Variants in NBAS observed in about 807,000 individuals in gnomAD.
NBAS encodes the protein NAG/BC035112 fusion.
In NBAS, 219 loss-of-function variants were observed where a neutral mutation model predicts 302.5. The observed-to-expected ratio is 0.72, with a 90% CI of 0.65 to 0.81. The LOEUF (loss-of-function observed/expected upper bound fraction) is 0.81. NBAS is among the 30% of genes least tolerant of loss of function. The pLI is 0.00. For missense variants in NBAS, 2,932 were observed against 2,841.6 expected (o/e 1.03, Z -0.72); for synonymous variants, 1,118 against 1,021.6 (o/e 1.09, Z -1.80).
chr2:15,150,930 A>C, the NBAS span, among the ~76,000 whole-genome samples: 2 of 152,216 alleles, frequency 1.3e-5, no homozygotes, highest in African/African-American at 4.8e-5. Flanking sequence ...AGAGTAGGCA[A>C]AACCTATAGT....
At chr2:14,988,116 T>C in the NBAS span, among the ~76,000 whole-genome samples, 1 of 152,156 alleles carries the variant, frequency 6.6e-6, no homozygotes, top group Non-Finnish European at 1.5e-5. Context: ...AACATTGTTG[T>C]GGAAACAAAT....
At chr2:15,000,044 G>A in the NBAS span, among the ~76,000 whole-genome samples, 1 of 152,188 alleles carries the variant, frequency 6.6e-6, no homozygotes, top group South Asian at 2.1e-4. Flanking sequence ...TATACAACTT[G>A]CTTGCCAAAC....
chr2:14,800,817 T>C, the NBAS span, among the ~76,000 whole-genome samples: 16 of 145,820 alleles, frequency 1.1e-4, no homozygotes, highest in African/African-American at 3.8e-4. Flanking sequence ...GCACTTACAT[T>C]TGCCCACTTA....
Position 15,292,616 on chromosome 2 carries a change from C to T in NBAS, c.4948G>A (p.Gly1650Ser), listed in dbSNP as rs770023301. ...TGCACGTCCACACCCTTCCGAAGGCCCTGAAGGATCTGCGCCTGAGTGAAA... is the reference window on the plus strand; with the variant it reads ...TGCACGTCCACACCCTTCCGAAGGCTCTGAAGGATCTGCGCCTGAGTGAAA... Reference protein sequence around the residue: ...LDFTQAQILQGLRKGVDVQRF... With the variant: ...LDFTQAQILQSLRKGVDVQRF... The change falls in exon 41 of 52, where the codon GGC becomes AGC. Residue 1650 changes from glycine (G) to serine (S), a missense_variant. Coordinates refer to ENST00000281513, the MANE Select transcript of NBAS (RefSeq NM_015909.4). 1.9e-6 allele frequency: 3 copies of T among 1,614,026 alleles called. No homozygotes were observed. The highest frequency in any genetic ancestry group is 1.7e-5 in the Admixed American group (1 of 60,000).
At chr2:15,255,724 AT>A (rs2148000274) in intron 44 of NBAS, among the ~76,000 whole-genome samples, 1 of 152,138 alleles carries the variant, frequency 6.6e-6, no homozygotes, top group African/African-American at 2.4e-5. Context: ...TAATTTTTGT[AT>A]TTGGTTAGAG....
chr2:14,778,979 A>G, the NBAS span, among the ~76,000 whole-genome samples: 1 of 152,208 alleles, frequency 6.6e-6, no homozygotes, highest in East Asian at 1.9e-4. Context: ...AAGATTAGCA[A>G]GTTAGATATT....
intron 32 of NBAS, among the ~76,000 whole-genome samples, chr2:15,363,484 A>G (rs908943280): frequency 1.3e-5 from 2 of 152,238 alleles, no homozygotes; most frequent in Admixed American, 1.3e-4. Context: ...ATGAAGGACA[A>G]TAAAGTCCAC....
At chr2:15,177,529 T>C (rs184359249) in intron 51 of NBAS, among the ~76,000 whole-genome samples, 3 of 152,288 alleles carry the variant, frequency 2.0e-5, no homozygotes, top group Non-Finnish European at 2.9e-5. Flanking sequence ...GCTCCATTTA[T>C]GATGAATATG....
chr2:15,149,006 G>C, the NBAS span, among the ~76,000 whole-genome samples: 9 of 152,186 alleles, frequency 5.9e-5, no homozygotes, highest in African/African-American at 2.2e-4. Context: ...TGCCTTCGAA[G>C]CCATTTAATT....
At chr2:15,079,452 A>G in the NBAS span, among the ~76,000 whole-genome samples, 1 of 152,112 alleles carries the variant, frequency 6.6e-6, no homozygotes, top group African/African-American at 2.4e-5. Context: ...AGCAGAAGCC[A>G]CCACTCCTTT....
At chr2:15,493,911 C>T (rs1680966411) in intron 11 of NBAS, among the ~76,000 whole-genome samples, 1 of 148,926 alleles carries the variant, frequency 6.7e-6, no homozygotes, top group Admixed American at 6.8e-5. Flanking sequence ...ACTGCAACCT[C>T]TGCCTCGAGG....
chr2:15,153,278 A>G, the NBAS span, among the ~76,000 whole-genome samples: 1 of 152,190 alleles, frequency 6.6e-6, no homozygotes, highest in Admixed American at 6.5e-5. Flanking sequence ...AGGCAGATAC[A>G]ATACATTTTT....
At chr2:15,030,417 G>C in the NBAS span, among the ~76,000 whole-genome samples, 1 of 152,212 alleles carries the variant, frequency 6.6e-6, no homozygotes, top group Admixed American at 6.5e-5. Context: ...GTACAGGTTT[G>C]AGCAGGGTAA....
Position 15,419,354 on chromosome 2 carries a change from TGTGTGTAGA to T in NBAS, c.2578-1651_2578-1643del, listed in dbSNP as rs530611171. Among the ~76,000 whole-genome samples the T allele has an allele frequency of 5.6e-3, 845 of 151,120 alleles. 9 individuals carry two copies. The highest frequency in any genetic ancestry group is 0.018 in the African/African-American group (750 of 40,916). ...ATATATATGTGTGTGTGTGTGTGTGTGTGTGTAGAAGAATACATTTATTAAAAGTAAAAA... is the reference window on the plus strand; with the variant it reads ...ATATATATGTGTGTGTGTGTGTGTGTAGAATACATTTATTAAAAGTAAAAA... On this transcript the variant is annotated intron_variant, in intron 23 of 51. Coordinates refer to ENST00000281513, the MANE Select transcript of NBAS (RefSeq NM_015909.4).
the NBAS span, among the ~76,000 whole-genome samples, chr2:14,880,194 C>T: frequency 8.5e-5 from 13 of 152,054 alleles, no homozygotes; most frequent in African/African-American, 3.1e-4. Context: ...ACAAAGAAAC[C>T]CGGTAGGGAT....
At chr2:14,872,875 TTG>T in the NBAS span, among the ~76,000 whole-genome samples, 1 of 151,290 alleles carries the variant, frequency 6.6e-6, no homozygotes, top group Non-Finnish European at 1.5e-5. Context: ...GCCTCCGGAG[TTG>T]TTTGTTCCTC....
chr2:15,412,800 T>C (rs2148453104), intron 25 of NBAS, among the ~76,000 whole-genome samples: 1 of 152,270 alleles, frequency 6.6e-6, no homozygotes, highest in East Asian at 1.9e-4. Flanking sequence ...TTACACATCA[T>C]TTGCCTGATA....
chr2:15,527,980 A>T (rs1663003756), intron 9 of NBAS, among the ~76,000 whole-genome samples: 2 of 152,096 alleles, frequency 1.3e-5, no homozygotes, highest in African/African-American at 4.8e-5. Flanking sequence ...CTTAAAGAAT[A>T]AGCTGCCTCT....
the NBAS span, among the ~76,000 whole-genome samples, chr2:14,864,396 T>C: frequency 6.6e-6 from 1 of 151,746 alleles, no homozygotes; most frequent in Non-Finnish European, 1.5e-5. Context: ...ATTCATACTA[T>C]TCATACTACC....
Sources: allele counts gnomAD v4.1 joint callset (sites outside exome capture counted in the v4.1 genomes callset), GRCh38; gene constraint gnomAD v4.1.1; transcripts MANE v1.5; gene names NCBI Gene and HGNC (gene_info 2026-07-23, HGNC 2026-07-21).